SH3TC1: variants seen among roughly 807,000 people sequenced by gnomAD.
SH3TC1 encodes SH3 domain and tetratricopeptide repeat-containing protein 1.
In SH3TC1, 135 loss-of-function variants were observed where a neutral mutation model predicts 117.3. The ratio of observed to expected loss-of-function variants is 1.15; its 90% CI spans 1.00 to 1.33. SH3TC1 has a LOEUF of 1.33. Ranked by LOEUF, SH3TC1 falls within the 40% of genes most tolerant of loss-of-function variation. The pLI, the probability that SH3TC1 is intolerant of heterozygous loss-of-function variation, is 0.00. For synonymous variants in SH3TC1, 898 were observed against 816.9 expected, an observed-to-expected ratio of 1.10 and a Z score of -1.69; for missense variants, 2,092 against 1,794.3, an observed-to-expected ratio of 1.17 and a Z score of -3.00.
In SH3TC1 at chr4:8,209,699, CA is replaced by C. The variant is rs564640625; in HGVS notation, c.173-48del. ...GAGCGTTTGGCGCCTTCAGAGGAGC[CA>C]GGCCTTTGCTTGGTCTCCCCTAATC... On this transcript the variant is annotated intron_variant, in intron 2 of 17. Transcript: ENST00000245105. The surrounding 1 kb of genome is among the most constrained non-coding windows in gnomAD (Gnocchi z 5.9). 1.9e-6 allele frequency: 3 copies of C among 1,611,556 alleles called. No individual in the cohort carries two copies. The South Asian group carries it at 3.3e-5, about 18-fold the overall frequency.
chr4:8,184,683 A>G (rs1430115864), intron 1 of SH3TC1, among the ~76,000 whole-genome samples: 1 of 152,176 alleles, frequency 6.6e-6, no homozygotes, highest in Admixed American at 6.5e-5. Flanking sequence ...CCGGCTGGAA[A>G]GCAACTTTAT....
At chr4:8,220,673 G>C (rs1054285385) in intron 9 of SH3TC1, among the ~76,000 whole-genome samples, 2 of 152,140 alleles carry the variant, frequency 1.3e-5, no homozygotes, top group African/African-American at 4.8e-5. Context: ...TGTGATCCTG[G>C]TCCTGGCCCC....
At chr4:8,223,855 G>A (rs775628680) in intron 10 of SH3TC1, among the ~76,000 whole-genome samples, 4 of 152,040 alleles carry the variant, frequency 2.6e-5, no homozygotes, top group Admixed American at 6.6e-5. Flanking sequence ...GGCTGTTCTC[G>A]AACTCCTGAG....
At chr4:8,185,959 C>T (rs1033891203) in intron 1 of SH3TC1, among the ~76,000 whole-genome samples, 12 of 152,232 alleles carry the variant, frequency 7.9e-5, no homozygotes, top group African/African-American at 2.9e-4. Context: ...AGTGCTGCCA[C>T]TCCAGGAGGT....
At chr4:8,237,718 T>C (rs777448446) in intron 17 of SH3TC1, 48 bp downstream of exon 17, 13 of 1,529,820 alleles carry the variant, frequency 8.5e-6, no homozygotes, top group Non-Finnish European at 1.2e-5. Flanking sequence ...CCCCTTGGAG[T>C]GGGATCTCCA....
At position 8,214,600 on chromosome 4, in the gene SH3TC1, A is replaced by C. The variant is rs1257134327; in HGVS notation, c.481+20A>C. ...CTCTCGGTAAAGAGGTGACCCTCCCAGAATTGGTCATGGGGACGCCCGTCG... is the reference window on the plus strand; with the variant it reads ...CTCTCGGTAAAGAGGTGACCCTCCCCGAATTGGTCATGGGGACGCCCGTCG... On this transcript the variant is annotated intron_variant, in intron 5 of 17. Transcript: ENST00000245105. The C allele has an allele frequency of 6.2e-7, 1 of 1,604,652 alleles. No individual in the cohort carries two copies.
intron 5 of SH3TC1, 109 bp downstream of exon 5, chr4:8,214,689 G>T: frequency 1.1e-6 from 1 of 878,476 alleles, no homozygotes; most frequent in Non-Finnish European, 1.8e-6. Flanking sequence ...TTTATTTATT[G>T]ATGTATTGTT....
intron 15 of SH3TC1, 34 bp downstream of exon 15, chr4:8,235,589 C>G: frequency 6.5e-7 from 1 of 1,535,584 alleles, no homozygotes; most frequent in Non-Finnish European, 8.8e-7. Flanking sequence ...TGGGTGGGCC[C>G]CAGGGGGGGC....
At chr4:8,238,817 A>G (rs1722062466) in intron 17 of SH3TC1, among the ~76,000 whole-genome samples, 1 of 152,184 alleles carries the variant, frequency 6.6e-6, no homozygotes, top group South Asian at 2.1e-4. Context: ...ACCCAGGAGG[A>G]AGGAAAGGAC....
At position 8,210,754 on chromosome 4, in the gene SH3TC1, A is replaced by G. The variant is rs1282194703; in HGVS notation, c.247+932A>G. On this transcript the variant is annotated intron_variant, in intron 3 of 17. Transcript: ENST00000245105. The surrounding 1 kb of genome is among the most constrained non-coding windows in gnomAD (Gnocchi z 4.1). ...CAGCCTGGGCAACTTCTGAAAAAAA[A>G]AAAAAAAAAAAAAAAAAAAAGGCCG... is the stretch of plus-strand genomic sequence containing the variant. Among the ~76,000 whole-genome samples, 1 of 147,126 alleles carries G rather than the reference A, an allele frequency of 6.8e-6. No homozygotes were observed. Among genetic ancestry groups the G allele is most frequent in the Non-Finnish European group, 1.5e-5 (1 of 66,986 alleles).
In SH3TC1 at chr4:8,228,031, C is replaced by T; in HGVS notation, c.2337C>T (p.Gly779=). Residue 779 remains glycine, a synonymous_variant, in exon 12 of 18, where the codon GGC becomes GGT. Coordinates refer to ENST00000245105, the MANE Select transcript of SH3TC1 (RefSeq NM_018986.5). ...AAGCGCTGGCCTCCCTGACCCCGGGCACAGGCCAGGCGCTGCGCGGCCCCC... is the reference window on the plus strand; with the variant it reads ...AAGCGCTGGCCTCCCTGACCCCGGGTACAGGCCAGGCGCTGCGCGGCCCCC... ...LRQALASLTP[G]TGQALRGPLY... is the part of the protein sequence containing the mutation. 6.2e-7 allele frequency: 1 copy of T among 1,610,052 alleles called. No homozygotes were observed.
rs140741156 is a variant in SH3TC1, at chr4:8,205,704, T to G, written c.172+338T>G. 1 of 715,000 alleles carries G rather than the reference T, an allele frequency of 1.4e-6. No individual in the cohort carries two copies. The highest frequency in any genetic ancestry group is 1.7e-5 in the African/African-American group (1 of 57,956). The allele number at this position is 715,000 out of a possible 1,614,324, so 44.3% of individuals were successfully genotyped here. Reference sequence around the variant, plus strand: ...CCGATGGGTTTGGCCTTGGAACCCCTGAGAGTCCTCAGGATGAGGCATCCT... The same window carrying G: ...CCGATGGGTTTGGCCTTGGAACCCCGGAGAGTCCTCAGGATGAGGCATCCT... On this transcript the variant is annotated intron_variant, in intron 2 of 17. Transcript: ENST00000245105. This position sits in a 1 kb window ranked among gnomAD's most constrained non-coding sequence, Gnocchi z 5.4.
Position 8,192,447 on chromosome 4 carries a change from C to CTTTATTTTAT in SH3TC1, c.-57+10280_-57+10289dup, listed in dbSNP as rs376174704. ...ACAATCTTCTTATCCAACCACTTGTCTTTATTTTATTTTATTTTATTTTAT... is the reference window on the plus strand; with the variant it reads ...ACAATCTTCTTATCCAACCACTTGTCTTTATTTTATTTTATTTTATTTTATTTTATTTTAT... On this transcript the variant is annotated intron_variant, in intron 1 of 16. Coordinates refer to the SH3TC1 transcript ENST00000508641. This position sits in a 1 kb window ranked among gnomAD's most constrained non-coding sequence, Gnocchi z 4.1. 0.078 allele frequency among the ~76,000 whole-genome samples: 10,750 copies of CTTTATTTTAT among 138,362 alleles called. 631 individuals carry two copies. Among genetic ancestry groups the CTTTATTTTAT allele is most frequent in the African/African-American group, 0.092 (3,409 of 37,048 alleles). 90.8% of individuals were successfully genotyped at this position (138,362 alleles called of 152,430 possible).
chr4:8,212,944 C>A, intron 4 of SH3TC1, 116 bp downstream of exon 4: 7 of 1,366,876 alleles, frequency 5.1e-6, no homozygotes, highest in Non-Finnish European at 6.8e-6. Flanking sequence ...AGAGCGAGAG[C>A]CACTCAGGAC....
intron 3 of SH3TC1, among the ~76,000 whole-genome samples, chr4:8,212,029 G>T (rs1407221632): frequency 1.3e-5 from 2 of 152,092 alleles, no homozygotes; most frequent in African/African-American, 4.8e-5. Context: ...CCACGATGGG[G>T]GCAGGAGTGG....
Position 8,237,605 on chromosome 4 carries a change from G to A in SH3TC1, c.3688G>A (p.Glu1230Lys). Residue 1230 changes from glutamate (E) to lysine (K), a missense_variant, in exon 17 of 18, where the codon GAG becomes AAG. Physicochemically the swap from Glu to Lys is moderately conservative, Grantham distance 56. Transcript: ENST00000245105. The part of the protein sequence containing the change: ...SLCNSPLEFD[E>K]ETLYYVKVYL... ...CTGCAACTCGCCGCTGGAGTTTGACGAGGAGACCCTCTACTACGTGAAGGT... is the reference window on the plus strand; with the variant it reads ...CTGCAACTCGCCGCTGGAGTTTGACAAGGAGACCCTCTACTACGTGAAGGT... 3.1e-6 allele frequency: 5 copies of A among 1,612,608 alleles called. No homozygotes were observed. The highest frequency in any genetic ancestry group is 1.1e-5 in the South Asian group (1 of 90,888).
At chr4:8,228,684 C>A in intron 12 of SH3TC1, 40 bp downstream of exon 12, 3 of 1,401,536 alleles carry the variant, frequency 2.1e-6, no homozygotes, top group Non-Finnish European at 2.8e-6. Context: ...TCCGGGGCCA[C>A]TCGGGTCAGG....
chr4:8,222,498 C>T (rs953763379), intron 9 of SH3TC1, among the ~76,000 whole-genome samples: 1 of 149,138 alleles, frequency 6.7e-6, no homozygotes, highest in African/African-American at 2.5e-5. Context: ...CTCAGCCTCC[C>T]GAACAGCTGG....
intron 8 of SH3TC1, among the ~76,000 whole-genome samples, chr4:8,218,665 T>G (rs1719574548): frequency 6.6e-6 from 1 of 152,180 alleles, no homozygotes; most frequent in Non-Finnish European, 1.5e-5. Context: ...AAACGCCACT[T>G]CTCAGACAGT....
Sources: allele counts gnomAD v4.1 joint callset (sites outside exome capture counted in the v4.1 genomes callset), GRCh38; gene constraint gnomAD v4.1.1; non-coding constraint Gnocchi (gnomAD v3.1); transcripts MANE v1.5; gene names NCBI Gene and HGNC (gene_info 2026-07-23, HGNC 2026-07-21).